The following ZC3H12D variants were observed in gnomAD, a reference collection of about 807,000 sequenced individuals.
ZC3H12D encodes the protein probable ribonuclease ZC3H12D.
In ZC3H12D, 11 loss-of-function variants were observed where a neutral mutation model predicts 24.2. That is an observed-to-expected ratio of 0.46 (90% confidence interval 0.29 to 0.75). The LOEUF is 0.75. Among genes scored for constraint, ZC3H12D ranks in the 30% least tolerant of loss-of-function variants. ZC3H12D has a pLI of 0.11. For synonymous variants in ZC3H12D, 333 were observed against 341.8 expected (o/e 0.97, Z 0.28); for missense variants, 740 against 767.7 (o/e 0.96, Z 0.43).
At chr6:149,462,046 A>C in intron 2 of ZC3H12D, 76 bp from the exon 3 acceptor site, 1 of 1,507,510 alleles carries the variant, frequency 6.6e-7, no homozygotes, top group Non-Finnish European at 8.9e-7. Context: ...AATATCCTGG[A>C]TCACAGTCTC....
chr6:149,450,944 G>A lies in ZC3H12D; in HGVS notation c.1323C>T (p.Pro441=). ...AGCGCCCAGGGAAGCGGTCGGAGCG[G>A]GGTGGACGGGCCCACGGGTCGTCGG... ...RPPDDPWARP[P]RSDRFPGRSV... The change falls in exon 6 of 6, where the codon CCC becomes CCT. Residue 441 remains proline, a synonymous_variant. Transcript: ENST00000409806. 6.5e-7 allele frequency: 1 copy of A among 1,537,776 alleles called. No individual in the cohort carries two copies. Among genetic ancestry groups the A allele is most frequent in the Non-Finnish European group, 8.7e-7 (1 of 1,144,816 alleles).
Position 149,456,991 on chromosome 6 carries a change from C to A in ZC3H12D, c.446-91G>T, listed in dbSNP as rs1775995367. 7 of 1,311,348 alleles carry A rather than the reference C, an allele frequency of 5.3e-6. No homozygotes were observed. Among genetic ancestry groups the A allele is most frequent in the Middle Eastern group, 2.3e-4 (1 of 4,292 alleles). The allele number at this position is 1,311,348 out of a possible 1,614,324, so 81.2% of individuals were successfully genotyped here. ...ACGCGAGGCCACCCGCTTCCCGGGC[C>A]GGTCAGATGAGGTTTTGAGGGGAGC... On this transcript the variant is annotated intron_variant, in intron 3 of 5. Transcript: ENST00000409806. This position sits in a 1 kb window ranked among gnomAD's most constrained non-coding sequence, Gnocchi z 4.3.
intron 3 of ZC3H12D, among the ~76,000 whole-genome samples, chr6:149,461,352 A>AAAAAAAG (rs375521280): frequency 6.8e-6 from 1 of 147,380 alleles, no homozygotes. Context: ...AAAAAAAAAA[A>AAAAAAAG]AAGAAGAAGA....
chr6:149,474,171 G>A, intron 2 of ZC3H12D, 68 bp downstream of exon 2: 1 of 1,347,530 alleles, frequency 7.4e-7, no homozygotes, highest in Non-Finnish European at 9.8e-7. Flanking sequence ...CAAGGAAGAG[G>A]GACAGTTCTC....
Position 149,452,193 on chromosome 6 carries a change from C to T in ZC3H12D, c.787+423G>A, listed in dbSNP as rs113372611. ...AGCTGGCTAGAAGGCTGGCATCCCC[C>T]AGGGTGCTGGGATAAAATTCTTAAC... On this transcript the variant is annotated intron_variant, in intron 5 of 5. Coordinates refer to ENST00000409806, the MANE Select transcript of ZC3H12D (RefSeq NM_207360.3). The surrounding 1 kb of genome is among the most constrained non-coding windows in gnomAD (Gnocchi z 4.0). 0.016 allele frequency: 2,646 copies of T among 167,204 alleles called. 29 individuals are homozygous for T. Among genetic ancestry groups the T allele is most frequent in the Non-Finnish European group, 0.024 (1,847 of 78,528 alleles). The allele number at this position is 167,204 out of a possible 1,614,324, so 10.4% of individuals were successfully genotyped here.
intron 2 of ZC3H12D, among the ~76,000 whole-genome samples, chr6:149,465,734 G>A (rs1425230188): frequency 5.3e-5 from 7 of 133,226 alleles, no homozygotes; most frequent in African/African-American, 1.8e-4. Context: ...CAGCCTGGGC[G>A]ACAGAGCGAG....
At chr6:149,459,536 T>C (rs1776038835) in intron 3 of ZC3H12D, 2 of 714,880 alleles carry the variant, frequency 2.8e-6, no homozygotes, top group Admixed American at 4.0e-5. Flanking sequence ...GTGGGAGCCA[T>C]TGCCCTGCAG....
intron 1 of ZC3H12D, among the ~76,000 whole-genome samples, chr6:149,476,232 C>T (rs967182142): frequency 6.6e-6 from 1 of 152,182 alleles, no homozygotes; most frequent in African/African-American, 2.4e-5. Context: ...GGGGGCCGGG[C>T]GCAGTGGCTC....
intron 1 of ZC3H12D, among the ~76,000 whole-genome samples, chr6:149,477,528 T>C (rs1239795869): frequency 6.6e-6 from 1 of 152,258 alleles, no homozygotes; most frequent in Admixed American, 6.5e-5. Context: ...CTGCCCTTTC[T>C]TGAAACTATC....
chr6:149,462,409 A>G (rs1477017496), intron 2 of ZC3H12D, among the ~76,000 whole-genome samples: 1 of 150,854 alleles, frequency 6.6e-6, no homozygotes, highest in Non-Finnish European at 1.5e-5. Context: ...AAAACCACAC[A>G]CACACACAAG....
At chr6:149,462,486 T>A (rs1366804658) in intron 2 of ZC3H12D, among the ~76,000 whole-genome samples, 6 of 152,210 alleles carry the variant, frequency 3.9e-5, no homozygotes, top group African/African-American at 1.4e-4. Flanking sequence ...AAGAACCACA[T>A]AGCTTGTGAT....
In ZC3H12D at chr6:149,451,084, C is replaced by G. The variant is rs895005643; in HGVS notation, c.1183G>C (p.Glu395Gln). ...AGGTCGCCCGGGGAGAACTGGCTCTCCGGGCTAGGGAGGCTGAGCGGGCCT... is the reference window on the plus strand; with the variant it reads ...AGGTCGCCCGGGGAGAACTGGCTCTGCGGGCTAGGGAGGCTGAGCGGGCCT... ...VPGPLSLPSP[E>Q]SQFSPGDLPP... Residue 395 changes from glutamate (E) to glutamine (Q), a missense_variant, in exon 6 of 6, where the codon GAG becomes CAG. Coordinates refer to ENST00000409806, the MANE Select transcript of ZC3H12D (RefSeq NM_207360.3). The G allele has an allele frequency of 2.2e-6, 3 of 1,394,542 alleles. No individual in the cohort carries two copies. 86.4% of individuals were successfully genotyped at this position (1,394,542 alleles called of 1,614,324 possible).
At chr6:149,463,714 G>T (rs532249214) in intron 2 of ZC3H12D, among the ~76,000 whole-genome samples, 3 of 152,298 alleles carry the variant, frequency 2.0e-5, no homozygotes, top group South Asian at 4.1e-4. Flanking sequence ...ACGGTGACTT[G>T]GACTAAGCTG....
chr6:149,461,642 CGCTAGGT>C lies in ZC3H12D; in HGVS notation c.445+182_445+188del, dbSNP rs199957045. ...ACTACTTGTTGAATACCAGGTGTTA[CGCTAGGT>C]GCTAGGTGCTAGGGCTATGGCATTG... is the stretch of plus-strand genomic sequence containing the variant. On this transcript the variant is annotated intron_variant, in intron 3 of 5. Transcript: ENST00000409806. 4.1e-4 allele frequency: 184 copies of C among 452,224 alleles called. 2 individuals carry two copies. The East Asian group carries it at 6.8e-3, about 17-fold the overall frequency. The allele number at this position is 452,224 out of a possible 1,614,324, so 28.0% of individuals were successfully genotyped here.
Position 149,456,858 on chromosome 6 carries a change from A to C in ZC3H12D, c.488T>G (p.Val163Gly). 1 of 1,606,748 alleles carries C rather than the reference A, an allele frequency of 6.2e-7. No individual in the cohort carries two copies. The change falls in exon 4 of 6, where the codon GTG (valine) becomes GGG (glycine). Residue 163 changes from valine to glycine, a missense_variant. Val to Gly is a moderately radical substitution (Grantham distance 109). Transcript: ENST00000409806. This position sits in a 1 kb window ranked among gnomAD's most constrained non-coding sequence, Gnocchi z 4.3. ...GTGCACCTTGCGGGACGGCGTGTAC[A>C]CCAGCACCGCCTGCCGCTCCAGCTC... ...LAELERQAVL[V>G]YTPSRKVHGK...
At chr6:149,475,054 G>T (rs1435333510) in intron 1 of ZC3H12D, among the ~76,000 whole-genome samples, 1 of 152,164 alleles carries the variant, frequency 6.6e-6, no homozygotes, top group East Asian at 1.9e-4. Context: ...AATATGACTG[G>T]TGTCCTTATA....
intron 2 of ZC3H12D, 60 bp downstream of exon 2, chr6:149,474,179 C>A: frequency 7.2e-7 from 1 of 1,396,178 alleles, no homozygotes; most frequent in Non-Finnish European, 9.5e-7. Flanking sequence ...AGGGACAGTT[C>A]TCAGGGCTCC....
In ZC3H12D at chr6:149,474,438, C is replaced by T. The variant is rs1466835011; in HGVS notation, c.106G>A (p.Val36Met). The T allele has an allele frequency of 1.9e-6, 3 of 1,604,436 alleles. No individual in the cohort carries two copies. The highest frequency in any genetic ancestry group is 1.1e-5 in the South Asian group (1 of 90,608). ...KLGEGALVNDVLQELIRTGSR... is the reference protein window; with the variant it reads ...KLGEGALVNDMLQELIRTGSR... ...CCCGTGCGGATAAGCTCCTGCAGCA[C>T]GTCGTTGACCAGGGCGCCCTCGCCC... Residue 36 changes from valine to methionine, a missense_variant, in exon 2 of 6, where the codon GTG (valine) becomes ATG (methionine). Val to Met is a conservative substitution (Grantham distance 21, BLOSUM62 1). Transcript: ENST00000409806.
Position 149,456,630 on chromosome 6 carries a change from C to T in ZC3H12D, c.680+36G>A, listed in dbSNP as rs746963811. On this transcript the variant is annotated intron_variant, in intron 4 of 5. Coordinates refer to ENST00000409806, the MANE Select transcript of ZC3H12D (RefSeq NM_207360.3). The surrounding 1 kb of genome is among the most constrained non-coding windows in gnomAD (Gnocchi z 4.3). ...CCTCGACCCCGGCCCCCCGCCCCGC[C>T]GCCCCCCAGGGTGTCAGGACCCCAG... is the stretch of plus-strand genomic sequence containing the variant. 6.3e-6 allele frequency: 9 copies of T among 1,426,414 alleles called. No individual in the cohort carries two copies. Among genetic ancestry groups the T allele is most frequent in the African/African-American group, 2.8e-5 (2 of 71,244 alleles). 88.4% of individuals were successfully genotyped at this position (1,426,414 alleles called of 1,614,324 possible). A position where few individuals can be genotyped will look rare whatever the true frequency, so the allele number is the denominator to read the frequency against.
Sources: allele counts gnomAD v4.1 joint callset (sites outside exome capture counted in the v4.1 genomes callset), GRCh38; gene constraint gnomAD v4.1.1; non-coding constraint Gnocchi (gnomAD v3.1); transcripts MANE v1.5; gene names NCBI Gene and HGNC (gene_info 2026-07-23, HGNC 2026-07-21).